ARFGEF3: variants seen among roughly 807,000 people sequenced by gnomAD.
ARFGEF3 encodes the protein brefeldin A-inhibited guanine nucleotide-exchange protein 3.
Under a neutral mutation model 221.7 loss-of-function variants are expected in ARFGEF3, and 96 were observed. That is an observed-to-expected ratio of 0.43 (90% CI 0.37 to 0.51). The LOEUF is 0.51. ARFGEF3 is among the 20% of genes least tolerant of loss of function. The pLI is 0.00. For missense variants in ARFGEF3, 2,410 were observed against 2,789.9 expected (o/e 0.86, Z 3.07); for synonymous variants, 1,145 against 1,126.8 (o/e 1.02, Z -0.32).
In ARFGEF3 at chr6:138,278,708, C is replaced by T. The variant is rs1230219653; in HGVS notation, c.2295+91C>T. 3.6e-6 allele frequency: 5 copies of T among 1,407,338 alleles called. No individual in the cohort carries two copies. In the South Asian group the frequency reaches 3.9e-5, roughly 11 times the overall value. The allele number at this position is 1,407,338 out of a possible 1,614,324, so 87.2% of individuals were successfully genotyped here. A position where few individuals can be genotyped will look rare whatever the true frequency, so the allele number is the denominator to read the frequency against. The stretch of plus-strand genomic sequence containing the variant: ...CCTCAGTGCCCTGAGTGGGATGGCA[C>T]AGCGTGTTTTGTTCCAGACTGCTCT... On this transcript the variant is annotated intron_variant, in intron 13 of 33. Transcript: ENST00000251691.
chr6:138,242,779 C>T (rs1370222797), intron 6 of ARFGEF3, among the ~76,000 whole-genome samples, 173 bp from the exon 7 acceptor site: 1 of 152,074 alleles, frequency 6.6e-6, no homozygotes, highest in Non-Finnish European at 1.5e-5. Context: ...TCATAAACAC[C>T]GTGAATAATG....
In ARFGEF3 at chr6:138,338,097, A is replaced by G. The variant is rs1362036762; in HGVS notation, c.*1611A>G. The stretch of plus-strand genomic sequence containing the variant: ...CAGTGTACCATCTAGAGATCACCAC[A>G]GAATCCATTTTTTTCCCAGTTCCAC... On this transcript the variant is annotated 3_prime_UTR_variant, in exon 34 of 34. Transcript: ENST00000251691. 1 of 152,220 alleles carries G rather than the reference A, an allele frequency of 6.6e-6. No homozygotes were observed. The highest frequency in any genetic ancestry group is 1.9e-4 in the East Asian group (1 of 5,196). 9.4% of individuals were successfully genotyped at this position (152,220 alleles called of 1,614,324 possible).
chr6:138,283,179 G>T (rs1455213439), intron 14 of ARFGEF3, among the ~76,000 whole-genome samples: 1 of 152,218 alleles, frequency 6.6e-6, no homozygotes, highest in Non-Finnish European at 1.5e-5. Flanking sequence ...GGCAGGTACT[G>T]CCCAGAGCTT....
In ARFGEF3 at chr6:138,162,171, G is replaced by A. The variant is rs780473330; in HGVS notation, c.85G>A (p.Glu29Lys). The A allele has an allele frequency of 6.3e-7, 1 of 1,597,302 alleles. No homozygotes were observed. Among genetic ancestry groups the A allele is most frequent in the Non-Finnish European group, 8.5e-7 (1 of 1,171,274 alleles). Residue 29 changes from glutamate to lysine, a missense_variant and splice_region_variant, in exon 1 of 34, where the codon GAA becomes AAA. Physicochemically the swap from Glu to Lys is moderately conservative, Grantham distance 56. Around this residue, in one of 5 missense-constraint regions of ARFGEF3, gnomAD observed 570 missense variants for 586.9 expected, o/e 0.97. Transcript: ENST00000251691. This position sits in a 1 kb window ranked among gnomAD's most constrained non-coding sequence, Gnocchi z 4.7. ...AIKESCTWALETLGGLDTIVK... is the reference protein window; with the variant it reads ...AIKESCTWALKTLGGLDTIVK... ...CAAGGAGAGCTGCACCTGGGCCCTG[G>A]GTAAGCGTCCGGCACCTGCTCGCCG... is the stretch of plus-strand genomic sequence containing the variant.
At chr6:138,175,569 T>A (rs1233165183) in intron 2 of ARFGEF3, among the ~76,000 whole-genome samples, 1 of 152,174 alleles carries the variant, frequency 6.6e-6, no homozygotes, top group Admixed American at 6.5e-5. Context: ...CTCAGGATGT[T>A]CCCTAATAGT....
intron 2 of ARFGEF3, among the ~76,000 whole-genome samples, chr6:138,183,327 G>C (rs1025113938): frequency 6.6e-6 from 1 of 152,206 alleles, no homozygotes; most frequent in Non-Finnish European, 1.5e-5. Flanking sequence ...TTCAGAGGTA[G>C]TAAAAATAAA....
intron 32 of ARFGEF3, among the ~76,000 whole-genome samples, chr6:138,330,976 C>A (rs1451919955): frequency 6.6e-6 from 1 of 152,206 alleles, no homozygotes; most frequent in Admixed American, 6.5e-5. Flanking sequence ...CCTTTGACAT[C>A]TTTAAGCATT....
At chr6:138,231,639 A>T (rs1282887341) in intron 5 of ARFGEF3, among the ~76,000 whole-genome samples, 1 of 152,270 alleles carries the variant, frequency 6.6e-6, no homozygotes, top group Non-Finnish European at 1.5e-5. Flanking sequence ...GAAGCAATTT[A>T]TAAAAGCACC....
intron 14 of ARFGEF3, among the ~76,000 whole-genome samples, chr6:138,285,176 A>G (rs1779263250): frequency 6.6e-6 from 1 of 152,194 alleles, no homozygotes; most frequent in African/African-American, 2.4e-5. Context: ...ATTATAAGGT[A>G]TTATTGGCAG....
chr6:138,261,951 A>G (rs1376310565), intron 11 of ARFGEF3, among the ~76,000 whole-genome samples: 2 of 152,174 alleles, frequency 1.3e-5, no homozygotes, highest in African/African-American at 4.8e-5. Context: ...GCCCCCCTAG[A>G]AAACTGAATA....
At chr6:138,299,973 C>T (rs973190992) in intron 22 of ARFGEF3, among the ~76,000 whole-genome samples, 1 of 151,818 alleles carries the variant, frequency 6.6e-6, no homozygotes, top group Non-Finnish European at 1.5e-5. Context: ...AAAACTCCCC[C>T]GAGAGAAACT....
At chr6:138,256,422 A>T (rs1778682360) in intron 10 of ARFGEF3, among the ~76,000 whole-genome samples, 1 of 152,336 alleles carries the variant, frequency 6.6e-6, no homozygotes, top group Admixed American at 6.5e-5. Context: ...ATATGTTCAT[A>T]AAGGTCAAAT....
intron 28 of ARFGEF3, 92 bp from the exon 29 acceptor site, chr6:138,321,019 T>C: frequency 1.4e-6 from 1 of 722,090 alleles, no homozygotes; most frequent in Non-Finnish European, 2.3e-6. Context: ...TTGCTTATCA[T>C]TCAGACTTTC....
intron 1 of ARFGEF3, among the ~76,000 whole-genome samples, chr6:138,169,607 C>T (rs1776788604): frequency 2.0e-5 from 3 of 152,194 alleles, no homozygotes; most frequent in Admixed American, 1.3e-4. Flanking sequence ...GAGCTGCTTC[C>T]TGTACCTGCA....
At chr6:138,242,234 A>C (rs1262393356) in intron 6 of ARFGEF3, among the ~76,000 whole-genome samples, 2 of 152,228 alleles carry the variant, frequency 1.3e-5, no homozygotes, top group African/African-American at 2.4e-5. Context: ...GCAAAGAGGT[A>C]AGGAGAATAA....
intron 4 of ARFGEF3, among the ~76,000 whole-genome samples, chr6:138,211,850 G>A (rs752224707): frequency 3.9e-5 from 6 of 152,148 alleles, no homozygotes; most frequent in African/African-American, 9.7e-5. Context: ...TAGCCTTGCC[G>A]AAGATAGGAG....
chr6:138,248,845 A>G (rs1778532218), intron 8 of ARFGEF3, among the ~76,000 whole-genome samples: 1 of 152,164 alleles, frequency 6.6e-6, no homozygotes, highest in Non-Finnish European at 1.5e-5. Context: ...AATAAAATAA[A>G]TAAGTCCCCT....
At chr6:138,280,303 G>A in intron 14 of ARFGEF3, 139 bp downstream of exon 14, 1 of 789,298 alleles carries the variant, frequency 1.3e-6, no homozygotes. Context: ...AATGGTGACA[G>A]TTCCAGGGAA....
chr6:138,192,266 C>A (rs7747428), intron 2 of ARFGEF3, among the ~76,000 whole-genome samples: 122,893 of 152,050 alleles, frequency 0.81, 50,229 homozygotes, highest in African/African-American at 0.94. Flanking sequence ...AGGCAGGTGG[C>A]TCACCTGAGG....
Sources: allele counts gnomAD v4.1 joint callset (sites outside exome capture counted in the v4.1 genomes callset), GRCh38; gene constraint gnomAD v4.1.1; regional missense constraint gnomAD v4.1.1; non-coding constraint Gnocchi (gnomAD v3.1); transcripts MANE v1.5; gene names NCBI Gene and HGNC (gene_info 2026-07-23, HGNC 2026-07-21).